Variants in LARGE1 observed in about 807,000 individuals in gnomAD.
The protein encoded by LARGE1 is LARGE xylosyl- and glucuronyltransferase 1.
A neutral mutation model predicts 87.6 loss-of-function variants in LARGE1; 43 were observed. The observed-to-expected ratio is 0.49, with a 90% CI of 0.38 to 0.63. The LOEUF is 0.63. Ranked by LOEUF, LARGE1 falls within the 30% of genes least tolerant of loss-of-function variation. LARGE1 has a pLI of 0.00. For synonymous variants in LARGE1, 434 were observed against 394.6 expected, an observed-to-expected ratio of 1.10 and a Z score of -1.18; for missense variants, 802 against 1,000.2, an observed-to-expected ratio of 0.80 and a Z score of 2.67.
intron 2 of LARGE1, among the ~76,000 whole-genome samples, chr22:33,665,424 C>T (rs16992765): frequency 0.11 from 16,025 of 152,112 alleles, 2,857 homozygotes; most frequent in African/African-American, 0.37. Flanking sequence ...AAATCAAGAA[C>T]GCAGGTGAAT....
At chr22:33,889,015 C>T (rs2146817348) in intron 1 of LARGE1, 1 of 152,328 alleles carries the variant, frequency 6.6e-6, no homozygotes, top group Non-Finnish European at 1.5e-5. Flanking sequence ...ATCTGCCTGA[C>T]CCTAAAGCCT....
intron 1 of LARGE1, among the ~76,000 whole-genome samples, chr22:33,908,166 A>T (rs1230233352): frequency 6.6e-6 from 1 of 152,246 alleles, no homozygotes; most frequent in Non-Finnish European, 1.5e-5. Context: ...ACTGAAATCT[A>T]AAACGACAAC....
At chr22:33,109,762 C>A in the LARGE1 span, among the ~76,000 whole-genome samples, 2 of 152,038 alleles carry the variant, frequency 1.3e-5, no homozygotes, top group Non-Finnish European at 2.9e-5. Context: ...TGGTGTCCTC[C>A]CTGCAATAAT....
downstream of LARGE1, among the ~76,000 whole-genome samples, chr22:33,159,990 G>T (rs568138419): frequency 6.9e-4 from 104 of 150,814 alleles, no homozygotes; most frequent in Middle Eastern, 3.5e-3. Flanking sequence ...TATGCACTTA[G>T]CATTTGCATA....
At chr22:33,677,032 T>C (rs2081602455) in intron 2 of LARGE1, among the ~76,000 whole-genome samples, 2 of 152,174 alleles carry the variant, frequency 1.3e-5, no homozygotes, top group South Asian at 2.1e-4. Context: ...ATCCTCATTC[T>C]ACAGAAGAAA....
rs887158986 is a variant in LARGE1 at position 33,805,511 on chromosome 22, A to C, written c.-82-43953T>G. 7.9e-5 allele frequency among the ~76,000 whole-genome samples: 12 copies of C among 152,224 alleles called. No individual in the cohort carries two copies. In the East Asian group the frequency reaches 2.3e-3, roughly 29 times the overall value. ...CACTTTGGGAGACTCAGGCGGGCGG[A>C]TCACCTGAGGTCAGGAGTTTGAGAC... On this transcript the variant is annotated intron_variant, in intron 1 of 14. Transcript: ENST00000397394.
At chr22:33,161,944 A>C (rs1922041243), downstream of LARGE1, among the ~76,000 whole-genome samples, 1 of 152,234 alleles carries the variant, frequency 6.6e-6, no homozygotes, top group South Asian at 2.1e-4. Flanking sequence ...CCTCATCCCC[A>C]TCTGAGACCA....
chr22:33,652,732 T>C (rs2080857028), intron 2 of LARGE1, among the ~76,000 whole-genome samples: 1 of 152,220 alleles, frequency 6.6e-6, no homozygotes, highest in Non-Finnish European at 1.5e-5. Flanking sequence ...AAGAATGTGA[T>C]GAATTACACC....
intron 1 of LARGE1, among the ~76,000 whole-genome samples, chr22:33,910,556 T>C (rs2065604237): frequency 6.6e-6 from 1 of 152,150 alleles, no homozygotes; most frequent in South Asian, 2.1e-4. Context: ...CTTACGAGAC[T>C]CTTCCTCCCT....
At chr22:33,068,320 T>A in the LARGE1 span, among the ~76,000 whole-genome samples, 1 of 152,124 alleles carries the variant, frequency 6.6e-6, no homozygotes, top group South Asian at 2.1e-4. Context: ...TACGCTGCTA[T>A]ACTAGTAGGA....
In LARGE1 at chr22:33,443,337, C is replaced by T. The variant is rs144540457; in HGVS notation, c.788-11072G>A. ...TCTCTCCCCAAGGGAATGGCTACAGCGGGCATCACCATGGGGTAGACTCTA... is the reference window on the plus strand; with the variant it reads ...TCTCTCCCCAAGGGAATGGCTACAGTGGGCATCACCATGGGGTAGACTCTA... On this transcript the variant is annotated intron_variant, in intron 6 of 14. Transcript: ENST00000397394. Among the ~76,000 whole-genome samples, 9 of 152,240 alleles carry T rather than the reference C, an allele frequency of 5.9e-5. No individual in the cohort carries two copies. In the East Asian group the frequency reaches 1.5e-3, roughly 26 times the overall value.
chr22:33,093,317 T>A, the LARGE1 span, among the ~76,000 whole-genome samples: 3 of 152,194 alleles, frequency 2.0e-5, no homozygotes, highest in Non-Finnish European at 4.4e-5. Context: ...GAAGCTTCTC[T>A]GAAAATGAAC....
At chr22:33,226,331 C>G (rs1925731441) in intron 11 of LARGE1, among the ~76,000 whole-genome samples, 1 of 152,220 alleles carries the variant, frequency 6.6e-6, no homozygotes, top group Admixed American at 6.5e-5. Flanking sequence ...CGTAGTAGAA[C>G]CGAAGTTCTT....
chr22:33,283,035 A>G (rs1930763293), intron 13 of LARGE1, among the ~76,000 whole-genome samples, 167 bp downstream of exon 13: 1 of 152,060 alleles, frequency 6.6e-6, no homozygotes, highest in African/African-American at 2.4e-5. Flanking sequence ...GCATGGGGAG[A>G]GGAGGGAGAT....
At chr22:33,104,645 T>C in the LARGE1 span, among the ~76,000 whole-genome samples, 1 of 152,224 alleles carries the variant, frequency 6.6e-6, no homozygotes, top group Admixed American at 6.5e-5. Context: ...CCCATCTATC[T>C]TCCCTGTCTG....
chr22:33,571,038 C>T (rs532826283), intron 5 of LARGE1, among the ~76,000 whole-genome samples: 11 of 151,958 alleles, frequency 7.2e-5, no homozygotes, highest in African/African-American at 1.5e-4. Context: ...CCAAAGGGTT[C>T]GTGTAATTAA....
chr22:33,163,272 A>G (rs1050378245), exon 12 of LARGE1: 3 of 152,186 alleles, frequency 2.0e-5, no homozygotes, highest in East Asian at 1.9e-4. Context: ...TTCGCTATTT[A>G]CCAATTTGTC....
At chr22:33,290,163 C>A (rs1265575782) in intron 12 of LARGE1, among the ~76,000 whole-genome samples, 1 of 152,162 alleles carries the variant, frequency 6.6e-6, no homozygotes, top group Non-Finnish European at 1.5e-5. Context: ...ATACACACCT[C>A]CCTCCCTCCA....
chr22:33,710,071 G>A (rs976348873), intron 2 of LARGE1, among the ~76,000 whole-genome samples: 1 of 150,858 alleles, frequency 6.6e-6, no homozygotes, highest in Non-Finnish European at 1.5e-5. Flanking sequence ...AAATGCTACT[G>A]CCGTTCAACA....
Sources: gnomAD v4.1 joint callset for allele counts (sites outside exome capture counted in the v4.1 genomes callset) on GRCh38, gnomAD v4.1.1 for gene constraint, MANE v1.5 for transcripts, NCBI Gene and HGNC (gene_info 2026-07-23, HGNC 2026-07-21) for gene names.